GATA6: variants seen among roughly 807,000 people sequenced by gnomAD.
The protein encoded by GATA6 is transcription factor GATA-6.
In GATA6, 11 loss-of-function variants were observed where a neutral mutation model predicts 48.1. The observed-to-expected ratio is 0.23, with a 90% CI of 0.14 to 0.38. GATA6 has a LOEUF of 0.38. Ranked by LOEUF, GATA6 falls within the 10% of genes least tolerant of loss-of-function variation. The pLI is 1.00. For synonymous variants in GATA6, 419 were observed against 396.1 expected (o/e 1.06, Z -0.69); for missense variants, 795 against 850.3 (o/e 0.93, Z 0.81).
Position 22,170,187 on chromosome 18 carries a change from C to T in GATA6, c.-38+505C>T, listed in dbSNP as rs539095653. 6.6e-6 allele frequency among the ~76,000 whole-genome samples: 1 copy of T among 152,326 alleles called. No individual in the cohort carries two copies. The highest frequency in any genetic ancestry group is 2.4e-5 in the African/African-American group (1 of 41,588). On this transcript the variant is annotated intron_variant, in intron 1 of 6. Transcript: ENST00000269216. The surrounding 1 kb of genome is among the most constrained non-coding windows in gnomAD (Gnocchi z 6.7). ...TGGGGCGGTCTCACGCTCCCCCCTC[C>T]CCAGCCCGTTGCGTTCCCCCTCCTT...
intron 3 of GATA6, among the ~76,000 whole-genome samples, chr18:22,179,092 T>C (rs2033163006): frequency 1.3e-5 from 2 of 152,210 alleles, no homozygotes; most frequent in Non-Finnish European, 2.9e-5. Context: ...TTTTAGCATT[T>C]CTGAATCGTT....
rs1298055020 is a variant in GATA6, at chr18:22,200,870, C to A, written c.*47C>A. The A allele has an allele frequency of 1.9e-6, 3 of 1,559,826 alleles. No homozygotes were observed. The highest frequency in any genetic ancestry group is 2.3e-4 in the Middle Eastern group (1 of 4,358). ...GGAGGGCTCCGCCGCGGGCCTCACT[C>A]CACTCGTGTCTGCTTTTGTGCAGCG... On this transcript the variant is annotated 3_prime_UTR_variant, in exon 7 of 7. Transcript: ENST00000269216.
At chr18:22,193,793 CCT>C (rs1246488085) in intron 6 of GATA6, among the ~76,000 whole-genome samples, 19 of 152,164 alleles carry the variant, frequency 1.2e-4, no homozygotes, top group African/African-American at 9.7e-5. Flanking sequence ...CCCGTACACT[CCT>C]CTCTGGTTTT....
Position 22,172,361 on chromosome 18 carries a change from G to T in GATA6, c.1135+82G>T. The T allele has an allele frequency of 6.7e-7, 1 of 1,489,960 alleles. No individual in the cohort carries two copies. Among genetic ancestry groups the T allele is most frequent in the East Asian group, 2.5e-5 (1 of 39,384 alleles). The allele number at this position is 1,489,960 out of a possible 1,614,324, so 92.3% of individuals were successfully genotyped here. A position where few individuals can be genotyped will look rare whatever the true frequency, so the allele number is the denominator to read the frequency against. ...GACGTGGAGCAGCTGCTCCACTCGG[G>T]CCCTGTTTTCAGGACTTTCTCGTCC... On this transcript the variant is annotated intron_variant, in intron 2 of 6. Coordinates refer to ENST00000269216, the MANE Select transcript of GATA6 (RefSeq NM_005257.6). The surrounding 1 kb of genome is among the most constrained non-coding windows in gnomAD (Gnocchi z 5.2).
At chr18:22,189,109 G>A (rs952941106) in intron 6 of GATA6, among the ~76,000 whole-genome samples, 26 of 152,092 alleles carry the variant, frequency 1.7e-4, no homozygotes, top group African/African-American at 6.0e-4. Flanking sequence ...AGGCGTCATC[G>A]TTCCCGTCCC....
At position 22,172,401 on chromosome 18, in the gene GATA6, C is replaced by T. The variant is rs1377637305; in HGVS notation, c.1135+122C>T. 3 of 1,438,338 alleles carry T rather than the reference C, an allele frequency of 2.1e-6. No homozygotes were observed. The highest frequency in any genetic ancestry group is 2.7e-6 in the Non-Finnish European group (3 of 1,092,606). The allele number at this position is 1,438,338 out of a possible 1,614,324, so 89.1% of individuals were successfully genotyped here. A position where few individuals can be genotyped will look rare whatever the true frequency, so the allele number is the denominator to read the frequency against. ...CTTTCTCGTCCGGGTGCGCGGAGGT[C>T]GGCCTGGTCCCAGGAAGGATTTGCA... On this transcript the variant is annotated intron_variant, in intron 2 of 6. Coordinates refer to ENST00000269216, the MANE Select transcript of GATA6 (RefSeq NM_005257.6). This position sits in a 1 kb window ranked among gnomAD's most constrained non-coding sequence, Gnocchi z 5.2.
chr18:22,177,145 T>A, intron 3 of GATA6, 24 bp downstream of exon 3: 1 of 1,535,118 alleles, frequency 6.5e-7, no homozygotes, highest in South Asian at 1.2e-5. Flanking sequence ...GCCCTGCCCC[T>A]GGCTCGCGGC....
At chr18:22,183,100 T>C in intron 6 of GATA6, 57 bp downstream of exon 6, 1 of 1,334,156 alleles carries the variant, frequency 7.5e-7, no homozygotes, top group South Asian at 1.2e-5. Flanking sequence ...TAGTAAATTA[T>C]CTCAAATTTT....
chr18:22,194,631 TG>T (rs1413218104), intron 6 of GATA6, among the ~76,000 whole-genome samples: 1 of 152,152 alleles, frequency 6.6e-6, no homozygotes, highest in African/African-American at 2.4e-5. Context: ...ATCAACCAAT[TG>T]AAATTTATAC....
chr18:22,177,768 C>G (rs1268264013), intron 3 of GATA6, among the ~76,000 whole-genome samples: 3 of 152,146 alleles, frequency 2.0e-5, no homozygotes, highest in African/African-American at 7.2e-5. Context: ...ACTTCTACCT[C>G]TTATCCTCAG....
In GATA6 at chr18:22,200,873, C is replaced by T; in HGVS notation, c.*50C>T. 1 of 1,555,380 alleles carries T rather than the reference C, an allele frequency of 6.4e-7. No homozygotes were observed. The highest frequency in any genetic ancestry group is 8.7e-7 in the Non-Finnish European group (1 of 1,146,230). ...GGGCTCCGCCGCGGGCCTCACTCCA[C>T]TCGTGTCTGCTTTTGTGCAGCGGTC... is the stretch of plus-strand genomic sequence containing the variant. On this transcript the variant is annotated 3_prime_UTR_variant, in exon 7 of 7. Coordinates refer to ENST00000269216, the MANE Select transcript of GATA6 (RefSeq NM_005257.6).
intron 6 of GATA6, among the ~76,000 whole-genome samples, chr18:22,191,806 A>G (rs1317723663): frequency 6.6e-6 from 1 of 152,196 alleles, no homozygotes; most frequent in African/African-American, 2.4e-5. Context: ...TTGACCTCAT[A>G]TTTTAAGAAT....
rs2033135355 is a variant in GATA6 at position 22,177,287 on chromosome 18, G to A, written c.1302+166G>A. On this transcript the variant is annotated intron_variant, in intron 3 of 6. Coordinates refer to ENST00000269216, the MANE Select transcript of GATA6 (RefSeq NM_005257.6). Reference sequence around the variant, plus strand: ...GACCCAGCGGTACCATCCTGTCCCGGCTGTTCCAACGCCCACCCGCTGGCG... The same window carrying A: ...GACCCAGCGGTACCATCCTGTCCCGACTGTTCCAACGCCCACCCGCTGGCG... 2.6e-5 allele frequency among the ~76,000 whole-genome samples: 4 copies of A among 152,250 alleles called. No individual in the cohort carries two copies. In the South Asian group the frequency reaches 8.3e-4, roughly 32 times the overall value.
chr18:22,174,617 CTG>C (rs2033098405), intron 2 of GATA6, among the ~76,000 whole-genome samples: 1 of 152,032 alleles, frequency 6.6e-6, no homozygotes, highest in South Asian at 2.1e-4. Context: ...CAGGAAGTGA[CTG>C]GGACCAAGCC....
At chr18:22,191,486 T>C (rs1471925105) in intron 6 of GATA6, among the ~76,000 whole-genome samples, 2 of 151,960 alleles carry the variant, frequency 1.3e-5, no homozygotes, top group African/African-American at 4.8e-5. Flanking sequence ...TATTGCTAAA[T>C]GAATCTTCGA....
intron 3 of GATA6, among the ~76,000 whole-genome samples, chr18:22,178,425 G>A (rs1181952297): frequency 6.6e-6 from 1 of 152,210 alleles, no homozygotes; most frequent in Non-Finnish European, 1.5e-5. Flanking sequence ...GTTTAGCGAA[G>A]TACTCATAAT....
rs1162961774 is a variant in GATA6, at chr18:22,171,360, A to G, written c.216A>G (p.Gly72=). ...TPQLDTEAAA[G]PPARSLLLSS... is the part of the protein sequence containing the mutation. Reference sequence around the variant, plus strand: ...AGCTCGACACGGAGGCGGCGGCCGGACCCCCGGCCCGCTCGCTGCTGCTCA... The same window carrying G: ...AGCTCGACACGGAGGCGGCGGCCGGGCCCCCGGCCCGCTCGCTGCTGCTCA... The change falls in exon 2 of 7, where the codon GGA becomes GGG. Residue 72 remains glycine, a synonymous_variant. Transcript: ENST00000269216. This position sits in a 1 kb window ranked among gnomAD's most constrained non-coding sequence, Gnocchi z 7.1. 6.3e-7 allele frequency: 1 copy of G among 1,581,294 alleles called. No homozygotes were observed. Among genetic ancestry groups the G allele is most frequent in the Non-Finnish European group, 8.5e-7 (1 of 1,171,658 alleles).
In GATA6 at chr18:22,171,103, C is replaced by T. The variant is rs765701299; in HGVS notation, c.-37-5C>T. The T allele has an allele frequency of 6.3e-7, 1 of 1,575,220 alleles. No homozygotes were observed. The highest frequency in any genetic ancestry group is 1.1e-5 in the South Asian group (1 of 89,656). ...ACCATACCCGTCTCCCCCACCCCAC[C>T]TCAGGAGCTAGACGTCAGCTTGGAG... On this transcript the variant is annotated splice_region_variant and splice_polypyrimidine_tract_variant and intron_variant, in intron 1 of 6. Coordinates refer to ENST00000269216, the MANE Select transcript of GATA6 (RefSeq NM_005257.6). This position sits in a 1 kb window ranked among gnomAD's most constrained non-coding sequence, Gnocchi z 7.1.
chr18:22,181,891 ATT>A (rs1041080706), intron 4 of GATA6, among the ~76,000 whole-genome samples: 4 of 151,966 alleles, frequency 2.6e-5, no homozygotes, highest in African/African-American at 4.9e-5. Context: ...AAAAGTGTGT[ATT>A]TTAGAATTGG....
Sources: allele counts gnomAD v4.1 joint callset (sites outside exome capture counted in the v4.1 genomes callset), GRCh38; gene constraint gnomAD v4.1.1; non-coding constraint Gnocchi (gnomAD v3.1); transcripts MANE v1.5; gene names NCBI Gene and HGNC (gene_info 2026-07-23, HGNC 2026-07-21).